RNF180: variants seen among roughly 807,000 people sequenced by gnomAD.
RNF180 encodes ring finger protein 180.
In RNF180, 38 loss-of-function variants were observed where a neutral mutation model predicts 59.2. The ratio of observed to expected loss-of-function variants is 0.64; its 90% CI spans 0.50 to 0.84. The LOEUF is 0.84. Among genes scored for constraint, RNF180 ranks in the 40% least tolerant of loss-of-function variants. The pLI is 0.00. For missense variants in RNF180, 705 were observed against 700.9 expected, an observed-to-expected ratio of 1.01 and a Z score of -0.07; for synonymous variants, 262 against 240.3, an observed-to-expected ratio of 1.09 and a Z score of -0.84.
chr5:64,336,900 G>C (rs1030059157), intron 7 of RNF180, among the ~76,000 whole-genome samples: 2 of 150,842 alleles, frequency 1.3e-5, no homozygotes, highest in African/African-American at 4.9e-5. Context: ...TCTTAACTTT[G>C]ATATAATTAA....
Position 64,349,504 on chromosome 5 carries a change from A to G in RNF180, c.1579+19098A>G, listed in dbSNP as rs552451109. On this transcript the variant is annotated intron_variant, in intron 7 of 7. Coordinates refer to ENST00000389100, the MANE Select transcript of RNF180 (RefSeq NM_001113561.2). ...GTGCAGGTTTGTTACATATGTATAC[A>G]TGTGCCATGTTGGTGTGCTGCACCC... Among the ~76,000 whole-genome samples, 6 of 151,730 alleles carry G rather than the reference A, an allele frequency of 4.0e-5. No homozygotes were observed. In the East Asian group the frequency reaches 9.7e-4, roughly 25 times the overall value.
At chr5:64,279,428 G>GT (rs1285768177) in intron 5 of RNF180, among the ~76,000 whole-genome samples, 1 of 152,078 alleles carries the variant, frequency 6.6e-6, no homozygotes, top group African/African-American at 2.4e-5. Context: ...CCAGAGAGGG[G>GT]TTTTTCTGTT....
chr5:64,346,253 A>T (rs1176110350), intron 7 of RNF180, among the ~76,000 whole-genome samples: 1 of 151,928 alleles, frequency 6.6e-6, no homozygotes, highest in African/African-American at 2.4e-5. Context: ...ATGGAAAAAA[A>T]ATATTCATGA....
At chr5:64,330,597 A>T (rs1032505154) in intron 7 of RNF180, among the ~76,000 whole-genome samples, 191 bp downstream of exon 7, 93 of 152,382 alleles carry the variant, frequency 6.1e-4, no homozygotes, top group African/African-American at 2.1e-3. Context: ...TGAAGACTAT[A>T]CAATAAGAGC....
At chr5:64,221,964 TTA>T (rs1741361377) in intron 5 of RNF180, among the ~76,000 whole-genome samples, 1 of 152,214 alleles carries the variant, frequency 6.6e-6, no homozygotes, top group African/African-American at 2.4e-5. Context: ...GTATTCAGAT[TTA>T]TTTAGTTTTT....
At chr5:64,356,433 T>C (rs544797374) in intron 7 of RNF180, among the ~76,000 whole-genome samples, 3 of 151,862 alleles carry the variant, frequency 2.0e-5, no homozygotes, top group Non-Finnish European at 4.4e-5. Context: ...CTCTGATACA[T>C]TGCTGGGAGA....
At chr5:64,270,927 T>C (rs1580153647) in intron 5 of RNF180, among the ~76,000 whole-genome samples, 1 of 152,120 alleles carries the variant, frequency 6.6e-6, no homozygotes, top group Non-Finnish European at 1.5e-5. Context: ...TCCTGCACCA[T>C]TGAAATATCA....
chr5:64,187,436 G>GC lies in RNF180; in HGVS notation c.1-13371dup, dbSNP rs568539456. Among the ~76,000 whole-genome samples, 13 of 152,146 alleles carry GC rather than the reference G, an allele frequency of 8.5e-5. No individual in the cohort carries two copies. In the South Asian group the frequency reaches 2.7e-3, roughly 32 times the overall value. ...AATACTTATAGATGTGAACACCAAA[G>GC]CATATGCAGAACCATTTAAACTATT... is the stretch of plus-strand genomic sequence containing the variant. On this transcript the variant is annotated intron_variant, in intron 1 of 7. Coordinates refer to ENST00000389100, the MANE Select transcript of RNF180 (RefSeq NM_001113561.2).
At chr5:64,173,950 G>A (rs527643801) in intron 1 of RNF180, among the ~76,000 whole-genome samples, 5 of 152,164 alleles carry the variant, frequency 3.3e-5, no homozygotes, top group East Asian at 3.9e-4. Flanking sequence ...ACCTGACCTC[G>A]TGATCCACCT....
chr5:64,241,638 A>G (rs930887082), intron 5 of RNF180, among the ~76,000 whole-genome samples: 7 of 152,216 alleles, frequency 4.6e-5, no homozygotes, highest in South Asian at 2.1e-4. Flanking sequence ...TTATACATCA[A>G]TTTGAACAAC....
At chr5:64,236,349 A>G (rs1486754395) in intron 5 of RNF180, among the ~76,000 whole-genome samples, 2 of 152,190 alleles carry the variant, frequency 1.3e-5, no homozygotes, top group Non-Finnish European at 2.9e-5. Context: ...GAGATGATTT[A>G]TGGTACCTGG....
At chr5:64,252,669 C>T (rs961971012) in intron 5 of RNF180, among the ~76,000 whole-genome samples, 1 of 152,004 alleles carries the variant, frequency 6.6e-6, no homozygotes, top group Admixed American at 6.6e-5. Flanking sequence ...GACAGCTGCC[C>T]AGAATGTAGT....
intron 5 of RNF180, among the ~76,000 whole-genome samples, chr5:64,249,114 G>A (rs1743390499): frequency 6.6e-6 from 1 of 152,148 alleles, no homozygotes; most frequent in African/African-American, 2.4e-5. Context: ...GGAGAGGGTG[G>A]CTAATGGAGG....
intron 5 of RNF180, among the ~76,000 whole-genome samples, chr5:64,268,421 T>A (rs1435757168): frequency 6.6e-6 from 1 of 152,174 alleles, no homozygotes; most frequent in Non-Finnish European, 1.5e-5. Flanking sequence ...GAAAAAGAGA[T>A]ACTTTTTTTC....
chr5:64,243,554 G>A lies in RNF180; in HGVS notation c.1227+26158G>A, dbSNP rs546345542. Among the ~76,000 whole-genome samples the A allele has an allele frequency of 2.6e-5, 4 of 152,246 alleles. No homozygotes were observed. The East Asian group carries it at 7.7e-4, about 29-fold the overall frequency. On this transcript the variant is annotated intron_variant, in intron 5 of 7. Coordinates refer to ENST00000389100, the MANE Select transcript of RNF180 (RefSeq NM_001113561.2). ...CTCTAGATTCCTTCTCACTGGACAG[G>A]GCATCTCTGAAAGAAAGGCAGCAGC...
In RNF180 at chr5:64,177,237, A is replaced by G. The variant is rs149596029; in HGVS notation, c.-1+11284A>G. ...TACTTACTGCTAGCCAAACAACCCT[A>G]CACATTCCCGACTTAGTGTTTTGGC... On this transcript the variant is annotated intron_variant, in intron 1 of 7. Transcript: ENST00000389100. Among the ~76,000 whole-genome samples, 357 of 152,114 alleles carry G rather than the reference A, an allele frequency of 2.3e-3. 1 individual carries two copies. The highest frequency in any genetic ancestry group is 8.4e-3 in the African/African-American group (350 of 41,506).
intron 7 of RNF180, among the ~76,000 whole-genome samples, chr5:64,351,405 T>A (rs1745806478): frequency 6.6e-6 from 1 of 152,116 alleles, no homozygotes; most frequent in South Asian, 2.1e-4. Context: ...TTATTTCTCC[T>A]GCCTGATTGC....
chr5:64,247,662 A>G (rs913862148), intron 5 of RNF180, among the ~76,000 whole-genome samples: 1 of 152,212 alleles, frequency 6.6e-6, no homozygotes, highest in Admixed American at 6.5e-5. Context: ...AAGAATCAAT[A>G]TCGTGAAAAT....
chr5:64,295,971 C>T lies in RNF180; in HGVS notation c.1228-29215C>T, dbSNP rs562910873. Among the ~76,000 whole-genome samples the T allele has an allele frequency of 2.0e-5, 3 of 152,296 alleles. No individual in the cohort carries two copies. In the South Asian group the frequency reaches 6.2e-4, roughly 32 times the overall value. ...GTTATTGATTAGCCATTTCTAGTCA[C>T]TTCTGTCCGCTTGCTTCCATTGTTT... On this transcript the variant is annotated intron_variant, in intron 5 of 7. Transcript: ENST00000389100.
Sources: allele counts gnomAD v4.1 joint callset (sites outside exome capture counted in the v4.1 genomes callset), GRCh38; gene constraint gnomAD v4.1.1; transcripts MANE v1.5; gene names NCBI Gene and HGNC (gene_info 2026-07-23, HGNC 2026-07-21).